Variants in SGPP2 observed in about 807,000 individuals in gnomAD.
SGPP2 encodes sphingosine-1-phosphate phosphatase 2, also known as sphingosine 1-phosphate phosphohydrolase 2.
In SGPP2, 30 loss-of-function variants were observed where a neutral mutation model predicts 33.9. The ratio of observed to expected loss-of-function variants is 0.89; its 90% confidence interval spans 0.66 to 1.20. SGPP2 has a LOEUF of 1.20. Among genes scored for constraint, SGPP2 ranks in the 50% most tolerant of loss-of-function variants. The pLI is 0.00. For missense variants in SGPP2, 458 were observed against 532.1 expected, an observed-to-expected ratio of 0.86 and a Z score of 1.37; for synonymous variants, 233 against 225.0, an observed-to-expected ratio of 1.04 and a Z score of -0.32.
chr2:222,457,243 A>G (rs1364167749), intron 1 of SGPP2, among the ~76,000 whole-genome samples: 1 of 152,098 alleles, frequency 6.6e-6, no homozygotes, highest in Non-Finnish European at 1.5e-5. Context: ...GAAGGTAAAC[A>G]AGTTTAAGAT....
intron 1 of SGPP2, among the ~76,000 whole-genome samples, chr2:222,466,406 A>C (rs1048204929): frequency 6.6e-6 from 1 of 152,096 alleles, no homozygotes; most frequent in African/African-American, 2.4e-5. Context: ...CTACAAGCGC[A>C]TGCCACCATG....
At chr2:222,529,575 T>A (rs1200456165) in intron 4 of SGPP2, among the ~76,000 whole-genome samples, 5 of 152,196 alleles carry the variant, frequency 3.3e-5, no homozygotes, top group African/African-American at 1.2e-4. Flanking sequence ...CATGAAGTGA[T>A]CCGTCCACCT....
intron 1 of SGPP2, among the ~76,000 whole-genome samples, chr2:222,440,994 G>A (rs951201927): frequency 2.6e-5 from 4 of 152,252 alleles, no homozygotes; most frequent in African/African-American, 9.6e-5. Context: ...AATAAAACCA[G>A]GAAAGTGTAT....
intron 4 of SGPP2, among the ~76,000 whole-genome samples, chr2:222,525,326 T>G (rs886998356): frequency 2.0e-5 from 3 of 152,158 alleles, no homozygotes; most frequent in African/African-American, 7.2e-5. Flanking sequence ...TTACTGACGA[T>G]GCAGCAAGCA....
At chr2:222,459,449 A>G (rs947490550) in intron 1 of SGPP2, among the ~76,000 whole-genome samples, 1 of 152,084 alleles carries the variant, frequency 6.6e-6, no homozygotes, top group Admixed American at 6.6e-5. Flanking sequence ...CACATCTAGC[A>G]TGGAAGCCAC....
chr2:222,467,851 T>C (rs576114106), intron 1 of SGPP2, among the ~76,000 whole-genome samples: 52 of 150,138 alleles, frequency 3.5e-4, no homozygotes, highest in Non-Finnish European at 6.1e-4. Flanking sequence ...GAGTTGCAGA[T>C]TACCATCCCC....
chr2:222,503,560 G>A (rs922892822), intron 2 of SGPP2, among the ~76,000 whole-genome samples: 1 of 152,068 alleles, frequency 6.6e-6, no homozygotes, highest in Admixed American at 6.5e-5. Context: ...AGGCCATCAT[G>A]CTTTTTTTTC....
intron 1 of SGPP2, among the ~76,000 whole-genome samples, chr2:222,428,733 C>G (rs549821474): frequency 6.6e-5 from 10 of 150,500 alleles, no homozygotes; most frequent in African/African-American, 2.4e-4. Flanking sequence ...CTCTGAACCT[C>G]GGTTGTCCCA....
intron 2 of SGPP2, among the ~76,000 whole-genome samples, chr2:222,480,370 T>C (rs1402028868): frequency 6.6e-6 from 1 of 152,228 alleles, no homozygotes; most frequent in African/African-American, 2.4e-5. Flanking sequence ...CACTGATATT[T>C]CTTTCCACGG....
At chr2:222,534,667 C>T (rs1189765089) in intron 4 of SGPP2, among the ~76,000 whole-genome samples, 4 of 152,172 alleles carry the variant, frequency 2.6e-5, no homozygotes, top group Admixed American at 2.6e-4. Context: ...ATATAAATTA[C>T]ACCCTACCAA....
intron 1 of SGPP2, among the ~76,000 whole-genome samples, chr2:222,447,682 T>C (rs1286723825): frequency 6.6e-6 from 1 of 152,236 alleles, no homozygotes; most frequent in Non-Finnish European, 1.5e-5. Context: ...TACTGCATTT[T>C]ACATAGATGG....
chr2:222,536,365 G>A (rs1443941557), intron 4 of SGPP2, among the ~76,000 whole-genome samples: 2 of 152,182 alleles, frequency 1.3e-5, no homozygotes, highest in Non-Finnish European at 2.9e-5. Context: ...GGCCAAGGAA[G>A]GATGTTTACA....
At chr2:222,435,683 T>C (rs2106061163) in intron 1 of SGPP2, among the ~76,000 whole-genome samples, 1 of 152,354 alleles carries the variant, frequency 6.6e-6, no homozygotes, top group East Asian at 1.9e-4. Context: ...ATAAATCTTA[T>C]GTCACATGAT....
intron 2 of SGPP2, among the ~76,000 whole-genome samples, chr2:222,479,588 A>G (rs1697999255): frequency 6.6e-6 from 1 of 151,434 alleles, no homozygotes. Flanking sequence ...ATTTTTTAGT[A>G]GAGACGGAGT....
intron 1 of SGPP2, among the ~76,000 whole-genome samples, chr2:222,441,537 AG>A (rs1437171605): frequency 6.6e-6 from 1 of 152,236 alleles, no homozygotes; most frequent in Non-Finnish European, 1.5e-5. Context: ...AAAACTGTAA[AG>A]TATATATTTG....
At chr2:222,495,407 C>G (rs749637847) in intron 2 of SGPP2, among the ~76,000 whole-genome samples, 6 of 152,070 alleles carry the variant, frequency 3.9e-5, no homozygotes, top group Non-Finnish European at 8.8e-5. Flanking sequence ...GAGCAAGGCC[C>G]TGTCTCAAAA....
intron 2 of SGPP2, among the ~76,000 whole-genome samples, chr2:222,496,073 G>A (rs6436321): frequency 6.6e-6 from 1 of 152,136 alleles, no homozygotes; most frequent in African/African-American, 2.4e-5. Context: ...ATAGTGCCCC[G>A]ACTCCCTTCG....
At chr2:222,471,932 T>C (rs1384001808) in intron 1 of SGPP2, among the ~76,000 whole-genome samples, 1 of 152,168 alleles carries the variant, frequency 6.6e-6, no homozygotes, top group Non-Finnish European at 1.5e-5. Flanking sequence ...TATAAAGGTG[T>C]TTACCATATT....
intron 2 of SGPP2, among the ~76,000 whole-genome samples, chr2:222,515,980 G>A (rs779217323): frequency 3.3e-4 from 50 of 152,228 alleles, no homozygotes; most frequent in South Asian, 1.0e-3. Flanking sequence ...CCTGGGAGGC[G>A]GAGGTTGCAG....
Sources: allele counts gnomAD v4.1 joint callset (sites outside exome capture counted in the v4.1 genomes callset), GRCh38; gene constraint gnomAD v4.1.1; transcripts MANE v1.5; gene names NCBI Gene and HGNC (gene_info 2026-07-23, HGNC 2026-07-21).